Variants in VTI1A observed in about 807,000 individuals in gnomAD.
VTI1A encodes vesicle transport through interaction with t-SNAREs 1A, also known as vesicle transport through interaction with t-SNAREs homolog 1A.
Under a neutral mutation model 34.9 loss-of-function variants are expected in VTI1A, and 22 were observed. The observed-to-expected ratio is 0.63, with a 90% confidence interval of 0.45 to 0.90. VTI1A has a LOEUF of 0.90. VTI1A is among the 40% of genes least tolerant of loss of function. The pLI, the probability that VTI1A is intolerant of heterozygous loss-of-function variation, is 0.00. For missense variants in VTI1A, 268 were observed against 275.6 expected, an observed-to-expected ratio of 0.97 and a Z score of 0.20; for synonymous variants, 87 against 97.3, an observed-to-expected ratio of 0.89 and a Z score of 0.62.
At chr10:112,730,838 C>A (rs548268399) in intron 7 of VTI1A, among the ~76,000 whole-genome samples, 12 of 152,064 alleles carry the variant, frequency 7.9e-5, no homozygotes, top group African/African-American at 2.7e-4. Context: ...AGACTAAAGA[C>A]CAGATACTAA....
In VTI1A at chr10:112,772,598, AAG is replaced by A. The variant is rs745385815; in HGVS notation, c.561-42689_561-42688del. Among the ~76,000 whole-genome samples, 7 of 152,334 alleles carry A rather than the reference AAG, an allele frequency of 4.6e-5. 1 individual carries two copies. The East Asian group carries it at 1.3e-3, about 29-fold the overall frequency. ...TGCTTGCGCTTTTGGTGTCACATCT[AAG>A]AGTCTATTGTTAAAACCCACACCAC... On this transcript the variant is annotated intron_variant, in intron 7 of 7. Transcript: ENST00000393077.
chr10:112,497,108 A>G (rs1373692974), intron 3 of VTI1A, among the ~76,000 whole-genome samples: 1 of 152,140 alleles, frequency 6.6e-6, no homozygotes, highest in Non-Finnish European at 1.5e-5. Context: ...ACCTGAGGCT[A>G]GGAGTTCAAG....
In VTI1A at chr10:112,756,229, A is replaced by AT. The variant is rs1373114322; in HGVS notation, c.561-59059dup. ...TCCACAGGCACATAAGGAATGTGCA[A>AT]TTAAGCTCATTAAAACATCATCATT... On this transcript the variant is annotated intron_variant, in intron 7 of 7. Transcript: ENST00000393077. 6.6e-5 allele frequency among the ~76,000 whole-genome samples: 10 copies of AT among 152,304 alleles called. No individual in the cohort carries two copies. In the South Asian group the frequency reaches 1.9e-3, roughly 28 times the overall value.
intron 5 of VTI1A, among the ~76,000 whole-genome samples, chr10:112,658,199 C>T (rs1386088877): frequency 2.0e-5 from 3 of 152,050 alleles, no homozygotes; most frequent in Admixed American, 6.6e-5. Context: ...GTGATCTTCC[C>T]GCCTTAGCCT....
At chr10:112,851,444 T>C in the VTI1A span, among the ~76,000 whole-genome samples, 2 of 152,286 alleles carry the variant, frequency 1.3e-5, no homozygotes, top group Admixed American at 6.5e-5. Flanking sequence ...TAGTACCTCC[T>C]TCAATCGAGA....
In VTI1A at chr10:112,637,500, A is replaced by G. The variant is rs1846401003; in HGVS notation, c.428-30718A>G. ...GGGTGAAACCCCATCTCTACTAAAC[A>G]TACAAAAACTTAGCTGGGCGTGGTG... On this transcript the variant is annotated intron_variant, in intron 5 of 7. Transcript: ENST00000393077. Among the ~76,000 whole-genome samples, 3 of 152,226 alleles carry G rather than the reference A, an allele frequency of 2.0e-5. No homozygotes were observed. In the South Asian group the frequency reaches 6.2e-4, roughly 32 times the overall value.
Position 112,502,024 on chromosome 10 carries a change from CTT to C in VTI1A, c.265-25044_265-25043del, listed in dbSNP as rs71489973. Among the ~76,000 whole-genome samples, 49 of 119,316 alleles carry C rather than the reference CTT, an allele frequency of 4.1e-4. No homozygotes were observed. The East Asian group carries it at 4.7e-3, about 12-fold the overall frequency. The allele number at this position is 119,316 out of a possible 152,430, so 78.3% of individuals were successfully genotyped here. On this transcript the variant is annotated intron_variant, in intron 3 of 7. Coordinates refer to ENST00000393077, the MANE Select transcript of VTI1A (RefSeq NM_145206.4). ...CTGCCCATGTTCCCTAGAATCCTTA[CTT>C]TTTTTTTTTTTTTTTTTTGGAGACA...
intron 5 of VTI1A, among the ~76,000 whole-genome samples, chr10:112,542,958 G>A (rs943027633): frequency 8.5e-5 from 13 of 152,170 alleles, no homozygotes; most frequent in African/African-American, 3.1e-4. Context: ...ATAGTTTGCT[G>A]AGAATGATGG....
chr10:112,648,816 A>G (rs1054957543), intron 5 of VTI1A, among the ~76,000 whole-genome samples: 1 of 152,178 alleles, frequency 6.6e-6, no homozygotes, highest in African/African-American at 2.4e-5. Flanking sequence ...AAAAATTCCT[A>G]AATAGATTAC....
At chr10:112,715,732 A>C (rs930705306) in intron 7 of VTI1A, among the ~76,000 whole-genome samples, 2 of 152,206 alleles carry the variant, frequency 1.3e-5, no homozygotes, top group Non-Finnish European at 2.9e-5. Context: ...GTGGATGAAA[A>C]GCAACTGTTC....
chr10:112,765,559 T>G (rs574719532), intron 7 of VTI1A, among the ~76,000 whole-genome samples: 2 of 152,332 alleles, frequency 1.3e-5, no homozygotes, highest in South Asian at 4.1e-4. Context: ...TGAAAAATAT[T>G]TATTGAGCAC....
chr10:112,567,308 T>G (rs1464200210), intron 5 of VTI1A, among the ~76,000 whole-genome samples: 1 of 152,140 alleles, frequency 6.6e-6, no homozygotes, highest in Non-Finnish European at 1.5e-5. Context: ...GGATTACAGG[T>G]GTGAACCACT....
chr10:112,738,651 G>GT (rs1314508712), intron 7 of VTI1A, among the ~76,000 whole-genome samples: 1 of 152,176 alleles, frequency 6.6e-6, no homozygotes, highest in African/African-American at 2.4e-5. Flanking sequence ...AATGGTGACA[G>GT]TTTCTTCCTC....
chr10:112,524,679 A>T (rs1187814964), intron 3 of VTI1A, among the ~76,000 whole-genome samples: 1 of 152,186 alleles, frequency 6.6e-6, no homozygotes, highest in Admixed American at 6.6e-5. Flanking sequence ...GAAGTATAGT[A>T]AATCAAAATA....
Position 112,816,547 on chromosome 10 carries a change from T to C in VTI1A, c.*1164T>C, listed in dbSNP as rs1426535997. The C allele has an allele frequency of 8.9e-6, 2 of 224,566 alleles. No homozygotes were observed. Among genetic ancestry groups the C allele is most frequent in the Non-Finnish European group, 1.8e-5 (2 of 112,680 alleles). The allele number at this position is 224,566 out of a possible 1,614,324, so 13.9% of individuals were successfully genotyped here. A position where few individuals can be genotyped will look rare whatever the true frequency, so the allele number is the denominator to read the frequency against. ...TATGCTTTGTGATTTTTTTCTTTCA[T>C]TTCTTTCTGTCTGAGGTAACCAGGA... is the stretch of plus-strand genomic sequence containing the variant. On this transcript the variant is annotated 3_prime_UTR_variant, in exon 8 of 8. Coordinates refer to ENST00000393077, the MANE Select transcript of VTI1A (RefSeq NM_145206.4).
chr10:112,849,957 G>A, the VTI1A span, among the ~76,000 whole-genome samples: 11 of 152,276 alleles, frequency 7.2e-5, no homozygotes, highest in South Asian at 4.1e-4. Flanking sequence ...CCCGGAAGGC[G>A]TCCCGGCCCT....
chr10:112,692,121 T>C (rs1465949477), intron 7 of VTI1A, among the ~76,000 whole-genome samples: 1 of 152,262 alleles, frequency 6.6e-6, no homozygotes, highest in Non-Finnish European at 1.5e-5. Context: ...ACCTCTGAAA[T>C]GTATATTCCC....
At chr10:112,800,237 A>G (rs1010952989) in intron 7 of VTI1A, among the ~76,000 whole-genome samples, 1 of 152,220 alleles carries the variant, frequency 6.6e-6, no homozygotes, top group Non-Finnish European at 1.5e-5. Flanking sequence ...TCCCCAGAGA[A>G]GCTCACAGAG....
intron 7 of VTI1A, among the ~76,000 whole-genome samples, chr10:112,777,958 C>T (rs1373488073): frequency 2.0e-5 from 3 of 152,086 alleles, no homozygotes; most frequent in Admixed American, 1.3e-4. Flanking sequence ...CAAAATTAGC[C>T]GGGCATGGTG....
Sources: gnomAD v4.1 joint callset for allele counts (sites outside exome capture counted in the v4.1 genomes callset) on GRCh38, gnomAD v4.1.1 for gene constraint, MANE v1.5 for transcripts, NCBI Gene and HGNC (gene_info 2026-07-23, HGNC 2026-07-21) for gene names.